Variants in MON2 observed in about 807,000 individuals in gnomAD.
The protein encoded by MON2 is protein MON2 homolog.
MON2 carries 84 observed loss-of-function variants against 208.6 expected under a neutral mutation model. The observed-to-expected ratio is 0.40, with a 90% CI of 0.34 to 0.48. The LOEUF (loss-of-function observed/expected upper bound fraction) is 0.48. MON2 is among the 20% of genes least tolerant of loss of function. The pLI, the probability that MON2 is intolerant of heterozygous loss-of-function variation, is 0.59. For synonymous variants in MON2, 660 were observed against 694.0 expected (o/e 0.95, Z 0.77); for missense variants, 1,611 against 2,015.4 (o/e 0.80, Z 3.84).
At chr12:62,584,568 TG>T (rs2075128723) in intron 32 of MON2, among the ~76,000 whole-genome samples, 1 of 151,922 alleles carries the variant, frequency 6.6e-6, no homozygotes, top group Non-Finnish European at 1.5e-5. Context: ...CTGGGTGTGG[TG>T]GCACGTGCCT....
intron 22 of MON2, among the ~76,000 whole-genome samples, chr12:62,548,183 G>A (rs951416973): frequency 1.3e-5 from 2 of 152,166 alleles, no homozygotes; most frequent in African/African-American, 4.8e-5. Context: ...ACAGCAGCAT[G>A]GAAGGGAAGG....
intron 34 of MON2, among the ~76,000 whole-genome samples, chr12:62,591,594 A>G (rs1325707805): frequency 2.6e-5 from 4 of 152,186 alleles, no homozygotes; most frequent in African/African-American, 9.6e-5. Context: ...CTGCCAAACT[A>G]CTTTATCATG....
At chr12:62,543,797 G>A (rs906092813) in intron 20 of MON2, among the ~76,000 whole-genome samples, 4 of 151,978 alleles carry the variant, frequency 2.6e-5, no homozygotes, top group African/African-American at 7.3e-5. Flanking sequence ...TAGTAGAGAC[G>A]GGGTTTAACC....
At chr12:62,487,610 A>T (rs757472216) in intron 2 of MON2, among the ~76,000 whole-genome samples, 1 of 152,016 alleles carries the variant, frequency 6.6e-6, no homozygotes, top group East Asian at 1.9e-4. Flanking sequence ...ATGAGTAAAT[A>T]TACTTTGGAA....
chr12:62,539,506 A>T (rs534085668), intron 19 of MON2, among the ~76,000 whole-genome samples: 1 of 151,362 alleles, frequency 6.6e-6, no homozygotes, highest in African/African-American at 2.4e-5. Flanking sequence ...TGACCTTGTG[A>T]TCCGCCCGCC....
chr12:62,536,488 C>CA lies in MON2; in HGVS notation c.1901-662dup, dbSNP rs895779697. ...GTAGTTGTTATTACATGCTAATACT[C>CA]AGTTTTCAAACTGAAAATGTATTGC... is the stretch of plus-strand genomic sequence containing the variant. On this transcript the variant is annotated intron_variant, in intron 14 of 34. Coordinates refer to ENST00000393630, the MANE Select transcript of MON2 (RefSeq NM_015026.3). Among the ~76,000 whole-genome samples the CA allele has an allele frequency of 1.3e-3, 198 of 152,022 alleles. 5 individuals are homozygous for CA. The highest frequency in any genetic ancestry group is 0.013 in the Admixed American group (197 of 15,272).
At chr12:62,569,361 G>A (rs963901942) in intron 29 of MON2, among the ~76,000 whole-genome samples, 5 of 152,158 alleles carry the variant, frequency 3.3e-5, no homozygotes, top group African/African-American at 1.2e-4. Context: ...GAACTTTTGG[G>A]CATGCTTAAT....
intron 6 of MON2, 31 bp downstream of exon 6, chr12:62,500,911 C>T (rs775133986): frequency 1.2e-5 from 15 of 1,295,100 alleles, no homozygotes; most frequent in Middle Eastern, 2.1e-4. Context: ...AATTTTTATT[C>T]TAAAATATAG....
At chr12:62,493,631 C>T (rs1227968139) in intron 2 of MON2, among the ~76,000 whole-genome samples, 2 of 152,020 alleles carry the variant, frequency 1.3e-5, no homozygotes, top group Non-Finnish European at 2.9e-5. Flanking sequence ...TTTGAAAATC[C>T]ATGTCCTAAT....
intron 19 of MON2, among the ~76,000 whole-genome samples, chr12:62,541,695 T>C (rs2073249601): frequency 6.6e-6 from 1 of 152,238 alleles, no homozygotes. Flanking sequence ...TTAAATACTT[T>C]GCTGACTTTT....
intron 7 of MON2, among the ~76,000 whole-genome samples, chr12:62,502,200 A>G (rs1290230268): frequency 6.6e-6 from 1 of 152,140 alleles, no homozygotes; most frequent in Non-Finnish European, 1.5e-5. Context: ...AGCCTAGGCG[A>G]CAGAGCAAGA....
intron 30 of MON2, among the ~76,000 whole-genome samples, chr12:62,575,369 ATAAT>A (rs907903166): frequency 2.6e-5 from 4 of 152,334 alleles, no homozygotes; most frequent in Admixed American, 6.5e-5. Context: ...TATTTTCTAA[ATAAT>A]TGATAACTTT....
At chr12:62,531,579 C>A (rs998211753) in intron 11 of MON2, among the ~76,000 whole-genome samples, 5 of 152,070 alleles carry the variant, frequency 3.3e-5, no homozygotes, top group African/African-American at 1.2e-4. Context: ...ATTGTCCTTC[C>A]TTCTGAAAAC....
Position 62,560,661 on chromosome 12 carries a change from C to A in MON2, c.3580C>A (p.Pro1194Thr), listed in dbSNP as rs2074165411. ...TGAGACACCACCTGTAGTTAATGTA[C>A]CTGTGCCTGTTCTTATAGGGCCCAT... ...KPETPPVVNV[P>T]VPVLIGPISG... The change falls in exon 26 of 35, where the codon CCT (proline) becomes ACT (threonine). Residue 1194 changes from proline (P) to threonine (T), a missense_variant. By Grantham distance (38) the Pro-to-Thr change is conservative. Coordinates refer to ENST00000393630, the MANE Select transcript of MON2 (RefSeq NM_015026.3). 11 of 1,614,042 alleles carry A rather than the reference C, an allele frequency of 6.8e-6. No individual in the cohort carries two copies. Among genetic ancestry groups the A allele is most frequent in the African/African-American group, 1.3e-5 (1 of 75,030 alleles).
chr12:62,537,132 G>A lies in MON2; in HGVS notation c.1901-19G>A. Reference sequence around the variant, plus strand: ...ATAAAAATATATTTTAATTATTTAGGCTTTCCTTTGTGTTCTAGCATATTC... The same window carrying A: ...ATAAAAATATATTTTAATTATTTAGACTTTCCTTTGTGTTCTAGCATATTC... On this transcript the variant is annotated intron_variant, in intron 14 of 34. Coordinates refer to ENST00000393630, the MANE Select transcript of MON2 (RefSeq NM_015026.3). 1 of 1,390,068 alleles carries A rather than the reference G, an allele frequency of 7.2e-7. No individual in the cohort carries two copies. Among genetic ancestry groups the A allele is most frequent in the Non-Finnish European group, 1.0e-6 (1 of 1,003,152 alleles). 86.1% of individuals were successfully genotyped at this position (1,390,068 alleles called of 1,614,324 possible).
chr12:62,537,997 A>G, intron 16 of MON2, 99 bp from the exon 17 acceptor site: 1 of 1,042,518 alleles, frequency 9.6e-7, no homozygotes, highest in African/African-American at 1.6e-5. Flanking sequence ...ACTGATTTTA[A>G]TTTTGGTTGC....
chr12:62,535,070 C>T lies in MON2; in HGVS notation c.1715+144C>T, dbSNP rs1252015158. The T allele has an allele frequency of 4.8e-6, 3 of 618,670 alleles. No individual in the cohort carries two copies. The African/African-American group carries it at 5.6e-5, about 12-fold the overall frequency. The allele number at this position is 618,670 out of a possible 1,614,324, so 38.3% of individuals were successfully genotyped here. On this transcript the variant is annotated intron_variant, in intron 13 of 34. Coordinates refer to ENST00000393630, the MANE Select transcript of MON2 (RefSeq NM_015026.3). ...AACATTATTCTTTTTCCCTCATCCC[C>T]CTTCCTCATTCTGTCCTTGCCCTGC...
intron 8 of MON2, among the ~76,000 whole-genome samples, chr12:62,518,878 C>T (rs766522363): frequency 3.9e-5 from 6 of 152,096 alleles, no homozygotes; most frequent in Non-Finnish European, 7.4e-5. Context: ...GACATCTTAG[C>T]TTAGAAAAAA....
chr12:62,580,479 T>A, intron 32 of MON2, 59 bp downstream of exon 32: 1 of 1,418,162 alleles, frequency 7.1e-7, no homozygotes, highest in Non-Finnish European at 9.7e-7. Context: ...AAACTGTCAG[T>A]AGAAATGTTT....
Sources: allele counts gnomAD v4.1 joint callset (sites outside exome capture counted in the v4.1 genomes callset), GRCh38; gene constraint gnomAD v4.1.1; transcripts MANE v1.5; gene names NCBI Gene and HGNC (gene_info 2026-07-23, HGNC 2026-07-21).